The following BBS9 variants were observed in gnomAD, a reference collection of about 807,000 sequenced individuals.
BBS9 encodes protein PTHB1.
Under a neutral mutation model 117.7 loss-of-function variants are expected in BBS9, and 89 were observed. The ratio of observed to expected loss-of-function variants is 0.76; its 90% CI spans 0.64 to 0.90. The LOEUF is 0.90. Ranked by LOEUF, BBS9 falls within the 40% of genes least tolerant of loss-of-function variation. BBS9 has a pLI of 0.00. For synonymous variants in BBS9, 379 were observed against 370.9 expected, an observed-to-expected ratio of 1.02 and a Z score of -0.25; for missense variants, 982 against 1,042.2, an observed-to-expected ratio of 0.94 and a Z score of 0.80.
At chr7:33,540,594 C>T (rs1383232021) in intron 21 of BBS9, among the ~76,000 whole-genome samples, 3 of 152,072 alleles carry the variant, frequency 2.0e-5, no homozygotes, top group East Asian at 1.9e-4. Context: ...AAAAAGGCCC[C>T]GTGATAGAAA....
chr7:33,488,584 G>A (rs915218709), intron 19 of BBS9, among the ~76,000 whole-genome samples: 1 of 152,114 alleles, frequency 6.6e-6, no homozygotes, highest in Non-Finnish European at 1.5e-5. Flanking sequence ...ATGGGGTTAG[G>A]ATTAGATGAT....
intron 5 of BBS9, among the ~76,000 whole-genome samples, chr7:33,246,392 T>A (rs1015733995): frequency 2.0e-5 from 3 of 152,066 alleles, no homozygotes; most frequent in Non-Finnish European, 1.5e-5. Context: ...ATGCTAATGA[T>A]TTAAGATTAA....
intron 19 of BBS9, among the ~76,000 whole-genome samples, chr7:33,490,494 C>T (rs981640162): frequency 1.3e-4 from 20 of 151,976 alleles, no homozygotes; most frequent in African/African-American, 4.8e-4. Context: ...TATCTTTTGG[C>T]TAGTTTTATA....
At chr7:33,599,493 T>C (rs1485171623) in intron 21 of BBS9, among the ~76,000 whole-genome samples, 1 of 152,182 alleles carries the variant, frequency 6.6e-6, no homozygotes, top group Non-Finnish European at 1.5e-5. Context: ...GAATATGTTA[T>C]CAATGTGGAA....
At chr7:33,288,549 T>G in intron 9 of BBS9, among the ~76,000 whole-genome samples, 1 of 152,240 alleles carries the variant, frequency 6.6e-6, no homozygotes, top group East Asian at 1.9e-4. Context: ...AGATAAAAGC[T>G]TTGCTTAGTG....
chr7:33,307,942 AAC>A (rs1352390866), intron 9 of BBS9, among the ~76,000 whole-genome samples: 2 of 152,200 alleles, frequency 1.3e-5, no homozygotes, highest in Non-Finnish European at 2.9e-5. Flanking sequence ...GTGCAGTTCT[AAC>A]ACAAACCAAT....
chr7:33,356,323 G>A (rs565426101), intron 15 of BBS9, among the ~76,000 whole-genome samples: 6 of 151,862 alleles, frequency 4.0e-5, no homozygotes, highest in East Asian at 3.9e-4. Context: ...ATTGACAGTC[G>A]TGCTTTGTGC....
At chr7:33,274,634 C>T (rs557951443) in intron 9 of BBS9, among the ~76,000 whole-genome samples, 2 of 152,218 alleles carry the variant, frequency 1.3e-5, no homozygotes, top group East Asian at 1.9e-4. Flanking sequence ...TACAACTTTC[C>T]ATAAAGCTTC....
At chr7:33,374,497 G>A (rs1823441976) in intron 17 of BBS9, among the ~76,000 whole-genome samples, 1 of 152,060 alleles carries the variant, frequency 6.6e-6, no homozygotes, top group South Asian at 2.1e-4. Flanking sequence ...ATTATCAAGT[G>A]ACAATGAGAA....
downstream of BBS9, among the ~76,000 whole-genome samples, chr7:33,608,770 G>C (rs546962514): frequency 6.6e-6 from 1 of 151,950 alleles, no homozygotes; most frequent in Non-Finnish European, 1.5e-5. Context: ...CCTTTGTTGG[G>C]TGCATAGTTT....
At chr7:33,322,628 C>CT (rs201041833) in intron 9 of BBS9, among the ~76,000 whole-genome samples, 3,318 of 151,822 alleles carry the variant, frequency 0.022, 41 homozygotes, top group Non-Finnish European at 0.034. Context: ...GGCCTTCTGT[C>CT]TTTTTTTCTT....
chr7:33,546,065 C>T (rs1405826132), intron 21 of BBS9, among the ~76,000 whole-genome samples: 2 of 150,906 alleles, frequency 1.3e-5, no homozygotes, highest in Non-Finnish European at 2.9e-5. Context: ...TCCCGAGGAG[C>T]TGGGACTACA....
At chr7:33,541,575 A>G (rs1312001933) in intron 21 of BBS9, among the ~76,000 whole-genome samples, 1 of 152,260 alleles carries the variant, frequency 6.6e-6, no homozygotes, top group African/African-American at 2.4e-5. Context: ...ATAAATGGAT[A>G]ACAAATGTGG....
chr7:33,572,103 C>G (rs1287823813), intron 21 of BBS9, among the ~76,000 whole-genome samples: 1 of 152,004 alleles, frequency 6.6e-6, no homozygotes, highest in African/African-American at 2.4e-5. Context: ...CACTACCCTC[C>G]CAGCCTCTAG....
At chr7:33,398,488 A>G (rs75788353) in intron 19 of BBS9, among the ~76,000 whole-genome samples, 1,720 of 152,332 alleles carry the variant, frequency 0.011, 41 homozygotes, top group African/African-American at 0.04. Context: ...CAAGAGCAAT[A>G]TACAAAGCTC....
chr7:33,474,258 A>G (rs1841487426), intron 19 of BBS9, among the ~76,000 whole-genome samples: 1 of 152,154 alleles, frequency 6.6e-6, no homozygotes, highest in Non-Finnish European at 1.5e-5. Flanking sequence ...TTTGCTTCAA[A>G]CCAGAATTGT....
At chr7:33,518,414 C>A (rs1848129890) in intron 20 of BBS9, among the ~76,000 whole-genome samples, 1 of 151,912 alleles carries the variant, frequency 6.6e-6, no homozygotes, top group Non-Finnish European at 1.5e-5. Context: ...CTACGCCCAG[C>A]TAATTTTTGT....
At chr7:33,558,414 G>T (rs1855607293) in intron 21 of BBS9, among the ~76,000 whole-genome samples, 1 of 152,074 alleles carries the variant, frequency 6.6e-6, no homozygotes, top group Admixed American at 6.6e-5. Context: ...TGATGGGCTT[G>T]GGCATGGCAG....
chr7:33,456,542 G>A (rs1487587760), intron 19 of BBS9, among the ~76,000 whole-genome samples: 1 of 151,642 alleles, frequency 6.6e-6, no homozygotes, highest in East Asian at 1.9e-4. Context: ...TTCTAGGTGG[G>A]TTTTATGGTT....
Sources: allele counts gnomAD v4.1 joint callset (sites outside exome capture counted in the v4.1 genomes callset), GRCh38; gene constraint gnomAD v4.1.1; transcripts MANE v1.5; gene names NCBI Gene and HGNC (gene_info 2026-07-23, HGNC 2026-07-21).